The following SLC1A7 variants were observed in gnomAD, a reference collection of about 807,000 sequenced individuals.
SLC1A7 encodes the protein excitatory amino acid transporter 5.
Under a neutral mutation model 47.7 loss-of-function variants are expected in SLC1A7, and 40 were observed. The observed-to-expected ratio is 0.84, with a 90% CI of 0.65 to 1.09. The LOEUF is 1.09. Among genes scored for constraint, SLC1A7 ranks in the 50% least tolerant of loss-of-function variants. The probability of loss-of-function intolerance (pLI) is 0.00; values close to 1 mark genes in which losing one functional copy is unlikely to be tolerated. For missense variants in SLC1A7, 746 were observed against 769.5 expected (o/e 0.97, Z 0.36); for synonymous variants, 323 against 325.6 (o/e 0.99, Z 0.09).
In SLC1A7 at chr1:53,092,755, G is replaced by A. The variant is rs147551241; in HGVS notation, c.830C>T (p.Ala277Val). The A allele has an allele frequency of 3.8e-5, 62 of 1,613,676 alleles. No homozygotes were observed. Among genetic ancestry groups the A allele is most frequent in the Non-Finnish European group, 4.7e-5 (56 of 1,179,714 alleles). The part of the protein sequence containing the change: ...YFPFGIVFLI[A>V]GKILEMDDPR... Reference sequence around the variant, plus strand: ...GTCGTCCATCTCCAGGATCTTACCCGCAATGAGGAACACAATGCCGAAGGG... The same window carrying A: ...GTCGTCCATCTCCAGGATCTTACCCACAATGAGGAACACAATGCCGAAGGG... The change falls in exon 7 of 11, where the codon GCG becomes GTG. Residue 277 changes from alanine (A) to valine (V), a missense_variant. Transcript: ENST00000371494.
intron 2 of SLC1A7, among the ~76,000 whole-genome samples, chr1:53,123,743 G>C (rs1209241973): frequency 2.0e-5 from 3 of 152,202 alleles, no homozygotes; most frequent in Non-Finnish European, 4.4e-5. Context: ...ATAAAGCCTG[G>C]GAGCTTTTCG....
At chr1:53,136,263 G>C (rs1042862935) in intron 1 of SLC1A7, among the ~76,000 whole-genome samples, 4 of 147,334 alleles carry the variant, frequency 2.7e-5, no homozygotes, top group Non-Finnish European at 4.5e-5. Flanking sequence ...GTGCCATCTC[G>C]GCTCACTGCA....
chr1:53,092,228 T>C (rs1644429566), intron 7 of SLC1A7, among the ~76,000 whole-genome samples: 1 of 152,248 alleles, frequency 6.6e-6, no homozygotes, highest in African/African-American at 2.4e-5. Context: ...GAGAAGCACC[T>C]TGTGGGGCAA....
chr1:53,091,771 C>T (rs1462781263), intron 7 of SLC1A7, among the ~76,000 whole-genome samples: 1 of 152,184 alleles, frequency 6.6e-6, no homozygotes, highest in Non-Finnish European at 1.5e-5. Flanking sequence ...AAAGATGTGG[C>T]TTAAGTTCCT....
rs887827972 is a variant in SLC1A7 at position 53,103,267 on chromosome 1, A to G, written c.697+79T>C. ...TCCAGCATTCTCCCCAGACCTCAGT[A>G]AGAGGTGGAGGAGCAGGCTGCTGGG... On this transcript the variant is annotated intron_variant, in intron 5 of 10. Coordinates refer to ENST00000371494, the MANE Select transcript of SLC1A7 (RefSeq NM_006671.6). 4 of 1,001,578 alleles carry G rather than the reference A, an allele frequency of 4.0e-6. No individual in the cohort carries two copies. In the African/African-American group the frequency reaches 6.5e-5, roughly 16 times the overall value. The allele number at this position is 1,001,578 out of a possible 1,614,324, so 62.0% of individuals were successfully genotyped here. A position where few individuals can be genotyped will look rare whatever the true frequency, so the allele number is the denominator to read the frequency against.
chr1:53,133,935 G>C (rs778679235), intron 2 of SLC1A7, among the ~76,000 whole-genome samples: 1 of 152,162 alleles, frequency 6.6e-6, no homozygotes, highest in Non-Finnish European at 1.5e-5. Context: ...GAGGCGTAGA[G>C]AGGTGAGGTA....
At chr1:53,133,085 A>G (rs1222200614) in intron 2 of SLC1A7, among the ~76,000 whole-genome samples, 1 of 152,172 alleles carries the variant, frequency 6.6e-6, no homozygotes, top group African/African-American at 2.4e-5. Context: ...AGCAGGCAAA[A>G]AGTTAGAAGA....
chr1:53,122,663 C>T (rs564932143), intron 2 of SLC1A7, among the ~76,000 whole-genome samples: 4 of 152,104 alleles, frequency 2.6e-5, no homozygotes, highest in Non-Finnish European at 2.9e-5. Flanking sequence ...AAGTCTGGGC[C>T]ATCTCGTCTC....
chr1:53,117,928 C>A (rs114552966), intron 2 of SLC1A7, among the ~76,000 whole-genome samples: 1 of 152,228 alleles, frequency 6.6e-6, no homozygotes, highest in Non-Finnish European at 1.5e-5. Context: ...GGACCCAAGT[C>A]GTTCTGTGCT....
intron 5 of SLC1A7, among the ~76,000 whole-genome samples, chr1:53,095,776 TCACA>T (rs571741686): frequency 1.4e-5 from 2 of 146,312 alleles, no homozygotes; most frequent in African/African-American, 2.6e-5. Context: ...CTTGTTACAC[TCACA>T]CACCCCACCT....
rs767569024 is a variant in SLC1A7, at chr1:53,092,597, C to T, written c.988G>A (p.Gly330Ser). Reference sequence around the variant, plus strand: ...GCGATGAGCAGAGCCTGCAGGATGCCACGGATGAAGACGATGGGATTCTTC... The same window carrying T: ...GCGATGAGCAGAGCCTGCAGGATGCTACGGATGAAGACGATGGGATTCTTC... ...TKKNPIVFIR[G>S]ILQALLIALA... Residue 330 changes from glycine (G) to serine (S), a missense_variant, in exon 7 of 11, where the codon GGC becomes AGC. Transcript: ENST00000371494. 6 of 1,614,116 alleles carry T rather than the reference C, an allele frequency of 3.7e-6. No individual in the cohort carries two copies. The South Asian group carries it at 5.5e-5, about 15-fold the overall frequency.
chr1:53,109,444 G>A (rs558399017), intron 3 of SLC1A7, among the ~76,000 whole-genome samples: 4 of 152,286 alleles, frequency 2.6e-5, no homozygotes, highest in East Asian at 3.9e-4. Flanking sequence ...CTTCTGGAGC[G>A]GCCCCCCGGA....
chr1:53,125,341 G>C (rs1011468062), intron 2 of SLC1A7, among the ~76,000 whole-genome samples: 1 of 152,214 alleles, frequency 6.6e-6, no homozygotes, highest in Non-Finnish European at 1.5e-5. Flanking sequence ...GGATGAGAAG[G>C]CAGCACTGTC....
intron 3 of SLC1A7, among the ~76,000 whole-genome samples, chr1:53,114,295 G>C (rs1644731277): frequency 6.6e-6 from 1 of 152,168 alleles, no homozygotes; most frequent in African/African-American, 2.4e-5. Flanking sequence ...CATTGCTAGG[G>C]GGTGGCACCA....
intron 3 of SLC1A7, among the ~76,000 whole-genome samples, chr1:53,114,243 A>G (rs1454240163): frequency 1.3e-5 from 2 of 152,186 alleles, no homozygotes; most frequent in East Asian, 3.9e-4. Context: ...AGGTCTGAGA[A>G]GCAAGGTTAG....
At position 53,103,407 on chromosome 1, in the gene SLC1A7, T is replaced by C. The variant is rs370431313; in HGVS notation, c.636A>G (p.Ser212=). ...LTPPPEVVYK[S]EPGTSDGMNV... ...TCATGCCATCGCTGGTGCCCGGCTC[T>C]GACTTGTAAACGACCTCGGGCGGCG... Residue 212 remains serine (S), a synonymous_variant, in exon 5 of 11, where the codon TCA becomes TCG. Coordinates refer to ENST00000371494, the MANE Select transcript of SLC1A7 (RefSeq NM_006671.6). The C allele has an allele frequency of 6.2e-7, 1 of 1,611,624 alleles. No individual in the cohort carries two copies.
chr1:53,096,485 ACT>A (rs1430173159), intron 5 of SLC1A7, among the ~76,000 whole-genome samples: 12 of 146,904 alleles, frequency 8.2e-5, no homozygotes, highest in African/African-American at 2.6e-4. Context: ...ACCTTAGCAC[ACT>A]CACACACTCC....
At chr1:53,091,847 A>G (rs1644425675) in intron 7 of SLC1A7, among the ~76,000 whole-genome samples, 2 of 152,182 alleles carry the variant, frequency 1.3e-5, no homozygotes, top group African/African-American at 4.8e-5. Context: ...TCACAGCACT[A>G]GATGCTCCAT....
chr1:53,093,366 T>C, intron 6 of SLC1A7, 95 bp downstream of exon 6: 1 of 1,017,122 alleles, frequency 9.8e-7, no homozygotes. Context: ...GGGCACAGCT[T>C]TCTGCTCACT....
Sources: allele counts gnomAD v4.1 joint callset (sites outside exome capture counted in the v4.1 genomes callset), GRCh38; gene constraint gnomAD v4.1.1; transcripts MANE v1.5; gene names NCBI Gene and HGNC (gene_info 2026-07-23, HGNC 2026-07-21).